The following EPHA3 variants were observed in gnomAD, a reference collection of about 807,000 sequenced individuals.
EPHA3 encodes ephrin type-A receptor 3.
EPHA3 carries 42 observed loss-of-function variants against 107.1 expected under a neutral mutation model. The ratio of observed to expected loss-of-function variants is 0.39; its 90% CI spans 0.31 to 0.51. The LOEUF is 0.51. EPHA3 is among the 20% of genes least tolerant of loss of function. The pLI is 0.78. For synonymous variants in EPHA3, 461 were observed against 424.8 expected (o/e 1.09, Z -1.05); for missense variants, 1,183 against 1,211.2 (o/e 0.98, Z 0.35).
chr3:89,339,009 A>G (rs867798014), intron 3 of EPHA3, among the ~76,000 whole-genome samples: 3 of 152,192 alleles, frequency 2.0e-5, no homozygotes, highest in Non-Finnish European at 4.4e-5. Context: ...ACTTTATCCA[A>G]TTATGACTAA....
intron 3 of EPHA3, among the ~76,000 whole-genome samples, chr3:89,226,353 G>A (rs920762811): frequency 6.6e-6 from 1 of 152,090 alleles, no homozygotes; most frequent in African/African-American, 2.4e-5. Flanking sequence ...CACCTAACAA[G>A]TACTTTATAA....
chr3:89,350,864 G>C (rs1288877910), intron 5 of EPHA3, among the ~76,000 whole-genome samples: 1 of 151,220 alleles, frequency 6.6e-6, no homozygotes, highest in African/African-American at 2.4e-5. Flanking sequence ...AGGTCTGTTG[G>C]AATACCCTGC....
intron 9 of EPHA3, among the ~76,000 whole-genome samples, chr3:89,410,612 A>C (rs1269105646): frequency 2.0e-5 from 3 of 152,112 alleles, no homozygotes; most frequent in Non-Finnish European, 4.4e-5. Flanking sequence ...ACTGTTACTA[A>C]GTAAAGGCAA....
At chr3:89,238,205 T>C (rs964680794) in intron 3 of EPHA3, among the ~76,000 whole-genome samples, 6 of 152,120 alleles carry the variant, frequency 3.9e-5, no homozygotes, top group Admixed American at 3.9e-4. Context: ...GAAAAGTATA[T>C]TTTTAAGGGG....
chr3:89,342,706 T>G (rs929529783), intron 5 of EPHA3, among the ~76,000 whole-genome samples: 5 of 152,088 alleles, frequency 3.3e-5, no homozygotes, highest in Admixed American at 2.0e-4. Flanking sequence ...GATAAATGAG[T>G]AATAAACAGT....
At chr3:89,191,721 GA>G (rs1705721062) in intron 2 of EPHA3, among the ~76,000 whole-genome samples, 1 of 152,130 alleles carries the variant, frequency 6.6e-6, no homozygotes, top group African/African-American at 2.4e-5. Flanking sequence ...ATTGTTCTCT[GA>G]AATGACTGAT....
intron 2 of EPHA3, among the ~76,000 whole-genome samples, chr3:89,161,892 A>G (rs1704951688): frequency 6.6e-6 from 1 of 151,828 alleles, no homozygotes; most frequent in Non-Finnish European, 1.5e-5. Flanking sequence ...TGGGAGGATC[A>G]CCTGAACCTG....
chr3:89,132,045 A>G (rs1465376957), intron 2 of EPHA3, among the ~76,000 whole-genome samples: 1 of 152,208 alleles, frequency 6.6e-6, no homozygotes, highest in African/African-American at 2.4e-5. Context: ...AAGCAAGTGT[A>G]AGTAAAGCCA....
At chr3:89,317,887 A>C (rs868217650) in intron 3 of EPHA3, among the ~76,000 whole-genome samples, 5 of 151,848 alleles carry the variant, frequency 3.3e-5, no homozygotes, top group African/African-American at 1.2e-4. Flanking sequence ...TGAGGTTTCT[A>C]AGTGGCTTAA....
At chr3:89,393,980 ATGAAGAAT>A (rs1708798002) in intron 5 of EPHA3, among the ~76,000 whole-genome samples, 1 of 46,472 alleles carries the variant, frequency 2.2e-5, no homozygotes, top group Non-Finnish European at 4.2e-5. Flanking sequence ...TATTGAATAG[ATGAAGAAT>A]TGATAATGAA....
intron 13 of EPHA3, among the ~76,000 whole-genome samples, chr3:89,443,862 G>C (rs759342609): frequency 7.2e-5 from 11 of 152,116 alleles, no homozygotes; most frequent in Non-Finnish European, 1.3e-4. Context: ...TTCACCCAAA[G>C]AGTTTACATT....
chr3:89,242,412 T>C (rs1704920221), intron 3 of EPHA3, among the ~76,000 whole-genome samples: 1 of 152,120 alleles, frequency 6.6e-6, no homozygotes. Flanking sequence ...ATTTTCTTTT[T>C]TGTTGTTGTT....
intron 3 of EPHA3, among the ~76,000 whole-genome samples, chr3:89,256,640 A>G (rs1267965465): frequency 6.6e-6 from 1 of 152,152 alleles, no homozygotes; most frequent in Non-Finnish European, 1.5e-5. Flanking sequence ...TCCTCTAAGT[A>G]TATCCCTAGA....
At chr3:89,335,331 A>G (rs1269247268) in intron 3 of EPHA3, among the ~76,000 whole-genome samples, 1 of 152,092 alleles carries the variant, frequency 6.6e-6, no homozygotes. Context: ...GACCTCTTTT[A>G]TAAGGGCACT....
intron 6 of EPHA3, 29 bp from the exon 7 acceptor site, chr3:89,399,288 TA>T (rs759399816): frequency 6.3e-7 from 1 of 1,581,040 alleles, no homozygotes; most frequent in African/African-American, 1.3e-5. Context: ...GATTTGATTT[TA>T]ACATGAATTT....
intron 3 of EPHA3, among the ~76,000 whole-genome samples, chr3:89,221,914 G>GA (rs1207080918): frequency 6.6e-6 from 1 of 151,768 alleles, no homozygotes; most frequent in Admixed American, 6.6e-5. Context: ...TAAGAGTTGA[G>GA]AAAAAAAAGA....
At chr3:89,109,383 TA>T (rs1412762848) in intron 1 of EPHA3, among the ~76,000 whole-genome samples, 1 of 152,056 alleles carries the variant, frequency 6.6e-6, no homozygotes, top group African/African-American at 2.4e-5. Flanking sequence ...CTTAATGTTT[TA>T]AAAATTTTTG....
At chr3:89,388,686 T>C (rs115824326) in intron 5 of EPHA3, among the ~76,000 whole-genome samples, 2,432 of 152,286 alleles carry the variant, frequency 0.016, 66 homozygotes, top group African/African-American at 0.055. Flanking sequence ...CACTAAATAA[T>C]AATGAAATGA....
intron 13 of EPHA3, among the ~76,000 whole-genome samples, chr3:89,447,909 T>A (rs1297362686): frequency 6.6e-6 from 1 of 152,146 alleles, no homozygotes; most frequent in East Asian, 1.9e-4. Flanking sequence ...TCACTTCAAA[T>A]CCAGTGGCAT....
Sources: gnomAD v4.1 joint callset for allele counts (sites outside exome capture counted in the v4.1 genomes callset) on GRCh38, gnomAD v4.1.1 for gene constraint, MANE v1.5 for transcripts, NCBI Gene and HGNC (gene_info 2026-07-23, HGNC 2026-07-21) for gene names.